PTPRS: variants seen among roughly 807,000 people sequenced by gnomAD.
PTPRS encodes the protein receptor-type tyrosine-protein phosphatase S.
PTPRS carries 63 observed loss-of-function variants against 215.3 expected under a neutral mutation model. The ratio of observed to expected loss-of-function variants is 0.29; its 90% CI spans 0.24 to 0.36. PTPRS has a LOEUF of 0.36. Among genes scored for constraint, PTPRS ranks in the 10% least tolerant of loss-of-function variants. PTPRS has a pLI of 1.00. For synonymous variants in PTPRS, 1,404 were observed against 1,191.4 expected, an observed-to-expected ratio of 1.18 and a Z score of -3.68; for missense variants, 2,258 against 2,825.8, an observed-to-expected ratio of 0.80 and a Z score of 4.56.
rs751227554 is a variant in PTPRS, at chr19:5,214,542, C to A, written c.4494+19G>T. ...GGCTGACTGGCAGGGGCTTGAGGGC[C>A]GTGGGGTCCAAGGCTCACCCGTGAC... On this transcript the variant is annotated intron_variant, in intron 29 of 37. Coordinates refer to ENST00000262963, the MANE Select transcript of PTPRS (RefSeq NM_002850.4). The A allele has an allele frequency of 1.2e-6, 2 of 1,611,862 alleles. No individual in the cohort carries two copies. Among genetic ancestry groups the A allele is most frequent in the Non-Finnish European group, 1.7e-6 (2 of 1,178,652 alleles).
intron 1 of PTPRS, among the ~76,000 whole-genome samples, chr19:5,296,772 G>A (rs900015563): frequency 6.6e-6 from 1 of 152,048 alleles, no homozygotes; most frequent in African/African-American, 2.4e-5. Context: ...CGGCCTCAGA[G>A]GCCTCCAGGA....
At chr19:5,217,554 A>T (rs1359049312) in intron 25 of PTPRS, among the ~76,000 whole-genome samples, 1 of 152,246 alleles carries the variant, frequency 6.6e-6, no homozygotes, top group Non-Finnish European at 1.5e-5. Flanking sequence ...AAAAAAAGAA[A>T]GTACATCAGG....
intron 19 of PTPRS, among the ~76,000 whole-genome samples, chr19:5,221,870 A>T (rs2042005981): frequency 6.6e-6 from 1 of 152,200 alleles, no homozygotes; most frequent in South Asian, 2.1e-4. Context: ...ATCCCAGCTA[A>T]GCCACAATCC....
intron 1 of PTPRS, among the ~76,000 whole-genome samples, chr19:5,286,567 C>T (rs2048368885): frequency 1.3e-5 from 2 of 152,292 alleles, no homozygotes; most frequent in Non-Finnish European, 1.5e-5. Flanking sequence ...AGAAAGCTCC[C>T]TTGCCCTTTC....
intron 1 of PTPRS, among the ~76,000 whole-genome samples, chr19:5,330,153 T>C (rs1600140735): frequency 6.6e-6 from 1 of 152,016 alleles, no homozygotes; most frequent in Non-Finnish European, 1.5e-5. Flanking sequence ...CAGCCCCTTC[T>C]GATCGTGGGC....
At chr19:5,321,010 CCAGCA>C (rs1213483197) in intron 1 of PTPRS, among the ~76,000 whole-genome samples, 1 of 152,092 alleles carries the variant, frequency 6.6e-6, no homozygotes, top group Non-Finnish European at 1.5e-5. Flanking sequence ...GCCTGTAATC[CCAGCA>C]CTGTGGGAGG....
At chr19:5,317,365 G>A (rs1355852288) in intron 1 of PTPRS, among the ~76,000 whole-genome samples, 2 of 152,250 alleles carry the variant, frequency 1.3e-5, no homozygotes, top group East Asian at 1.9e-4. Context: ...CCAACTACTC[G>A]GGAGGCTGAG....
chr19:5,307,794 G>A (rs2049547555), intron 1 of PTPRS, among the ~76,000 whole-genome samples: 1 of 152,206 alleles, frequency 6.6e-6, no homozygotes, highest in Non-Finnish European at 1.5e-5. Context: ...GTGCGTAGAC[G>A]GAGACCATTT....
At chr19:5,255,568 C>G (rs1326400580) in intron 9 of PTPRS, among the ~76,000 whole-genome samples, 1 of 121,456 alleles carries the variant, frequency 8.2e-6, no homozygotes, top group Non-Finnish European at 1.8e-5. Context: ...CAAAACGAAA[C>G]AAAACCAAAG....
chr19:5,293,250 G>C lies in PTPRS; in HGVS notation c.-94-7016C>G, dbSNP rs1349608058. 1 of 151,554 alleles carries C rather than the reference G, an allele frequency of 6.6e-6. No homozygotes were observed. Among genetic ancestry groups the C allele is most frequent in the Admixed American group, 6.5e-5 (1 of 15,276 alleles). 9.4% of individuals were successfully genotyped at this position (151,554 alleles called of 1,614,324 possible). A position where few individuals can be genotyped will look rare whatever the true frequency, so the allele number is the denominator to read the frequency against. ...GGAGCGCGGCGCGCAGCGAAGACTC[G>C]GGAGAGGCCTCGGCCTGGGGAGCTC... On this transcript the variant is annotated intron_variant, in intron 1 of 37. Coordinates refer to ENST00000262963, the MANE Select transcript of PTPRS (RefSeq NM_002850.4). The surrounding 1 kb of genome is among the most constrained non-coding windows in gnomAD (Gnocchi z 8.4).
chr19:5,262,824 G>C (rs1188310845), intron 6 of PTPRS, 140 bp downstream of exon 6: 1 of 896,296 alleles, frequency 1.1e-6, no homozygotes, highest in African/African-American at 1.7e-5. Flanking sequence ...AGGAGGGAGA[G>C]GGCGTTAGTA....
intron 28 of PTPRS, 101 bp downstream of exon 28, chr19:5,215,188 A>G: frequency 6.7e-7 from 1 of 1,499,456 alleles, no homozygotes; most frequent in South Asian, 1.2e-5. Flanking sequence ...GACCAGGTCT[A>G]TGACCAGAAT....
chr19:5,278,860 A>G (rs906825376), intron 2 of PTPRS, among the ~76,000 whole-genome samples: 2 of 152,080 alleles, frequency 1.3e-5, no homozygotes, highest in East Asian at 1.9e-4. Context: ...AAGAGGTAAT[A>G]AAGTGTCGCA....
Position 5,237,653 on chromosome 19 carries a change from G to A in PTPRS, c.1849+1266C>T, listed in dbSNP as rs1391461287. On this transcript the variant is annotated intron_variant, in intron 13 of 37. Transcript: ENST00000262963. This position sits in a 1 kb window ranked among gnomAD's most constrained non-coding sequence, Gnocchi z 4.2. Reference sequence around the variant, plus strand: ...GGGCAGGCGGGGGGGCACGCGGGGTGGGCCGTTTTTGTGAACCTGCTTGAG... The same window carrying A: ...GGGCAGGCGGGGGGGCACGCGGGGTAGGCCGTTTTTGTGAACCTGCTTGAG... 1.3e-5 allele frequency among the ~76,000 whole-genome samples: 2 copies of A among 152,178 alleles called. No individual in the cohort carries two copies. The highest frequency in any genetic ancestry group is 1.9e-4 in the East Asian group (1 of 5,168).
At chr19:5,260,256 T>G (rs1250888179) in intron 7 of PTPRS, among the ~76,000 whole-genome samples, 1 of 150,850 alleles carries the variant, frequency 6.6e-6, no homozygotes, top group South Asian at 2.1e-4. Flanking sequence ...AGTGGCTCAC[T>G]GCAACCTCTG....
rs2049835558 is a variant in PTPRS at position 5,315,350 on chromosome 19, G to GCTTTTTTTTTTTTT, written c.-95+25313_-95+25314insAAAAAAAAAAAAAG. On this transcript the variant is annotated intron_variant, in intron 1 of 37. Coordinates refer to ENST00000262963, the MANE Select transcript of PTPRS (RefSeq NM_002850.4). ...TCATGGAGAATTTTTATTTGAAAAG[G>GCTTTTTTTTTTTTT]GTTTTTTTTTTTTTTTTTTTTTTTT... is the stretch of plus-strand genomic sequence containing the variant. Among the ~76,000 whole-genome samples the GCTTTTTTTTTTTTT allele has an allele frequency of 1.0e-3, 106 of 101,308 alleles. 33 individuals carry two copies. Among genetic ancestry groups the GCTTTTTTTTTTTTT allele is most frequent in the Non-Finnish European group, 1.2e-3 (64 of 52,774 alleles). The allele number at this position is 101,308 out of a possible 152,430, so 66.5% of individuals were successfully genotyped here.
At chr19:5,289,627 C>A (rs1449016941) in intron 1 of PTPRS, among the ~76,000 whole-genome samples, 1 of 152,224 alleles carries the variant, frequency 6.6e-6, no homozygotes, top group East Asian at 1.9e-4. Flanking sequence ...CATGGGCCTC[C>A]TTGCTATTTC....
chr19:5,233,700 T>A (rs1313494563), intron 13 of PTPRS, among the ~76,000 whole-genome samples: 2 of 150,520 alleles, frequency 1.3e-5, no homozygotes, highest in African/African-American at 4.9e-5. Context: ...TCCCAGCACT[T>A]TGGGAGGCCG....
At chr19:5,222,084 CCCTGCCTGCCTG>C (rs761189756) in intron 19 of PTPRS, 27 bp downstream of exon 19, 5 of 1,503,904 alleles carry the variant, frequency 3.3e-6, no homozygotes, top group Non-Finnish European at 4.6e-6. Context: ...CAACCCCTGA[CCCTGCCTGCCTG>C]CCTGCCTGCT....
Sources: gnomAD v4.1 joint callset for allele counts (sites outside exome capture counted in the v4.1 genomes callset) on GRCh38, gnomAD v4.1.1 for gene constraint, Gnocchi (gnomAD v3.1) non-coding constraint, MANE v1.5 for transcripts, NCBI Gene and HGNC (gene_info 2026-07-23, HGNC 2026-07-21) for gene names.